PPM1B: variants seen among roughly 807,000 people sequenced by gnomAD.
PPM1B encodes the protein protein phosphatase 1B.
Under a neutral mutation model 43.0 loss-of-function variants are expected in PPM1B, and 22 were observed. That is an observed-to-expected ratio of 0.51 (90% CI 0.37 to 0.73). The LOEUF (loss-of-function observed/expected upper bound fraction) is 0.73. Ranked by LOEUF, PPM1B falls within the 30% of genes least tolerant of loss-of-function variation. The pLI, the probability that PPM1B is intolerant of heterozygous loss-of-function variation, is 0.00. For synonymous variants in PPM1B, 217 were observed against 197.9 expected (o/e 1.10, Z -0.81); for missense variants, 632 against 584.2 (o/e 1.08, Z -0.84).
intron 1 of PPM1B, among the ~76,000 whole-genome samples, chr2:44,192,971 T>A (rs553514980): frequency 6.6e-6 from 1 of 152,312 alleles, no homozygotes; most frequent in South Asian, 2.1e-4. Context: ...ATTCATTCAT[T>A]GATGGACACT....
chr2:44,213,183 A>C (rs186081755), intron 3 of PPM1B, among the ~76,000 whole-genome samples: 1 of 128,742 alleles, frequency 7.8e-6, no homozygotes, highest in Admixed American at 8.6e-5. Context: ...TTTTGGTTTT[A>C]TATATGCTGT....
intron 1 of PPM1B, among the ~76,000 whole-genome samples, chr2:44,198,074 A>C (rs539166968): frequency 2.6e-5 from 4 of 152,180 alleles, no homozygotes; most frequent in Non-Finnish European, 5.9e-5. Flanking sequence ...GCCAATGTCC[A>C]TGTGCCCCCT....
chr2:44,230,107 C>T, intron 5 of PPM1B: 8 of 1,487,934 alleles, frequency 5.4e-6, no homozygotes, highest in Non-Finnish European at 7.1e-6. Flanking sequence ...TTAAGTAAGT[C>T]AGTTTTAGGA....
intron 1 of PPM1B, among the ~76,000 whole-genome samples, chr2:44,180,071 T>A (rs1303920380): frequency 6.7e-6 from 1 of 149,860 alleles, no homozygotes; most frequent in East Asian, 2.0e-4. Context: ...CCCCAAAATG[T>A]GTATTTGGAT....
chr2:44,177,600 G>T (rs942728928), intron 1 of PPM1B, among the ~76,000 whole-genome samples: 1 of 151,634 alleles, frequency 6.6e-6, no homozygotes, highest in African/African-American at 2.4e-5. Context: ...TGTATTTTTA[G>T]TAGAGACAGG....
chr2:44,215,260 G>T (rs1669667913), intron 3 of PPM1B, among the ~76,000 whole-genome samples: 1 of 152,120 alleles, frequency 6.6e-6, no homozygotes, highest in South Asian at 2.1e-4. Context: ...TTGAGACTAG[G>T]AGTTCAAGAC....
chr2:44,240,587 A>G lies in PPM1B; in HGVS notation n.1547-3641A>G, dbSNP rs1572769112. Among the ~76,000 whole-genome samples, 2 of 142,298 alleles carry G rather than the reference A, an allele frequency of 1.4e-5. 1 individual carries two copies. The highest frequency in any genetic ancestry group is 5.1e-5 in the African/African-American group (2 of 38,992). The allele number at this position is 142,298 out of a possible 152,430, so 93.4% of individuals were successfully genotyped here. A position where few individuals can be genotyped will look rare whatever the true frequency, so the allele number is the denominator to read the frequency against. Reference sequence around the variant, plus strand: ...TAAAATATCTAAAATTTAAAAAAAAATTTATCTTGATTACTTGCCATTCCT... The same window carrying G: ...TAAAATATCTAAAATTTAAAAAAAAGTTTATCTTGATTACTTGCCATTCCT... On this transcript the variant is annotated intron_variant and non_coding_transcript_variant, in intron 5 of 5. Coordinates refer to the PPM1B transcript ENST00000378540.
chr2:44,192,165 T>G lies in PPM1B; in HGVS notation c.-14-9021T>G, dbSNP rs185437346. On this transcript the variant is annotated intron_variant, in intron 1 of 5. Transcript: ENST00000282412. ...TTTCTGTCATTTTAATTATTTTTAT[T>G]TTATGTTATGTTATGTTATGTTATG... Among the ~76,000 whole-genome samples, 691 of 135,758 alleles carry G rather than the reference T, an allele frequency of 5.1e-3. 4 individuals are homozygous for G. The highest frequency in any genetic ancestry group is 6.5e-3 in the Non-Finnish European group (408 of 62,726). 89.1% of individuals were successfully genotyped at this position (135,758 alleles called of 152,430 possible).
At chr2:44,234,316 C>G, downstream of PPM1B, 1 of 720,372 alleles carries the variant, frequency 1.4e-6, no homozygotes, top group Non-Finnish European at 1.7e-6. Flanking sequence ...GTCAAGAGAT[C>G]GTGACCATCC....
At chr2:44,219,080 C>G in intron 5 of PPM1B, 1 of 246,652 alleles carries the variant, frequency 4.1e-6, no homozygotes, top group African/African-American at 2.3e-5. Flanking sequence ...TTCATCAGAG[C>G]AAGACTCTAT....
chr2:44,210,304 C>G (rs1669399671), intron 3 of PPM1B, among the ~76,000 whole-genome samples: 1 of 150,776 alleles, frequency 6.6e-6, no homozygotes, highest in African/African-American at 2.4e-5. Context: ...ACAGCCTCAA[C>G]TCCCTGGGCT....
chr2:44,216,942 G>T (rs1180135960), intron 3 of PPM1B, among the ~76,000 whole-genome samples: 1 of 151,968 alleles, frequency 6.6e-6, no homozygotes, highest in Non-Finnish European at 1.5e-5. Flanking sequence ...AGAGGGGTTG[G>T]ATTAGAGTGA....
chr2:44,235,916 CTT>C (rs1263441856), downstream of PPM1B, among the ~76,000 whole-genome samples: 1 of 151,646 alleles, frequency 6.6e-6, no homozygotes, highest in African/African-American at 2.4e-5. Flanking sequence ...ATATATGTCT[CTT>C]TTATATTAAA....
At chr2:44,170,923 C>A (rs1283034294) in intron 1 of PPM1B, among the ~76,000 whole-genome samples, 1 of 151,206 alleles carries the variant, frequency 6.6e-6, no homozygotes, top group Non-Finnish European at 1.5e-5. Flanking sequence ...TTATTTTGTG[C>A]TTCTTCTCTC....
At position 44,231,288 on chromosome 2, in the gene PPM1B, T is replaced by G; in HGVS notation, c.*570T>G. On this transcript the variant is annotated 3_prime_UTR_variant, in exon 6 of 6. Transcript: ENST00000282412. ...TTGTGAGATATTGGATGTGTGGCTA[T>G]TTTTCCTTTCTCTGTATTCTTTATG... The G allele has an allele frequency of 1.0e-6, 1 of 978,736 alleles. No homozygotes were observed. The highest frequency in any genetic ancestry group is 4.7e-5 in the South Asian group (1 of 21,142). The allele number at this position is 978,736 out of a possible 1,614,324, so 60.6% of individuals were successfully genotyped here. A position where few individuals can be genotyped will look rare whatever the true frequency, so the allele number is the denominator to read the frequency against.
At chr2:44,177,853 C>T (rs1440366173) in intron 1 of PPM1B, among the ~76,000 whole-genome samples, 1 of 149,854 alleles carries the variant, frequency 6.7e-6, no homozygotes, top group Non-Finnish European at 1.5e-5. Context: ...TTGTTCTAGT[C>T]CCTTTTTTCC....
rs528394058 is a variant in PPM1B at position 44,225,776 on chromosome 2, C to T, written c.1135-4637C>T. 6.2e-4 allele frequency among the ~76,000 whole-genome samples: 94 copies of T among 152,202 alleles called. 1 individual carries two copies. The highest frequency in any genetic ancestry group is 3.4e-3 in the Middle Eastern group (1 of 294). On this transcript the variant is annotated intron_variant, in intron 5 of 5. Coordinates refer to ENST00000282412, the MANE Select transcript of PPM1B (RefSeq NM_002706.6). Reference sequence around the variant, plus strand: ...GGTTCAAGCGATTCTCCTGCCTCACCCTCCCAAGTAGCTGGGACTACAGGC... The same window carrying T: ...GGTTCAAGCGATTCTCCTGCCTCACTCTCCCAAGTAGCTGGGACTACAGGC...
At chr2:44,219,424 A>C (rs1432382959) in intron 5 of PPM1B, among the ~76,000 whole-genome samples, 1 of 152,134 alleles carries the variant, frequency 6.6e-6, no homozygotes, top group Non-Finnish European at 1.5e-5. Flanking sequence ...ATCATATGTC[A>C]TCTCAATTGC....
chr2:44,245,216 A>C (rs1437210483), downstream of PPM1B, among the ~76,000 whole-genome samples: 2 of 152,182 alleles, frequency 1.3e-5, no homozygotes, highest in African/African-American at 2.4e-5. Context: ...AGTAGTTCTG[A>C]AGATTTGTCA....
Sources: allele counts gnomAD v4.1 joint callset (sites outside exome capture counted in the v4.1 genomes callset), GRCh38; gene constraint gnomAD v4.1.1; transcripts MANE v1.5; gene names NCBI Gene and HGNC (gene_info 2026-07-23, HGNC 2026-07-21).